PRKCB: variants seen among roughly 807,000 people sequenced by gnomAD.
The protein encoded by PRKCB is protein kinase C beta, also known as protein kinase C beta type.
In PRKCB, 13 loss-of-function variants were observed where a neutral mutation model predicts 81.5. That is an observed-to-expected ratio of 0.16 (90% CI 0.10 to 0.25). The LOEUF is 0.25. Among genes scored for constraint, PRKCB ranks in the 10% least tolerant of loss-of-function variants. The pLI is 1.00. For missense variants in PRKCB, 509 were observed against 875.7 expected (o/e 0.58, Z 5.29); for synonymous variants, 335 against 321.4 (o/e 1.04, Z -0.45).
At chr16:24,072,129 T>G (rs143366151) in intron 5 of PRKCB, among the ~76,000 whole-genome samples, 1 of 151,802 alleles carries the variant, frequency 6.6e-6, no homozygotes, top group Non-Finnish European at 1.5e-5. Context: ...CGGCATTTAG[T>G]ACATGCACAG....
chr16:23,944,276 T>C (rs1964176525), intron 2 of PRKCB, among the ~76,000 whole-genome samples: 2 of 152,264 alleles, frequency 1.3e-5, no homozygotes, highest in African/African-American at 4.8e-5. Flanking sequence ...CCTCAAAGTC[T>C]ATATAATTAG....
chr16:24,001,205 C>A (rs1169363036), intron 3 of PRKCB, among the ~76,000 whole-genome samples: 1 of 152,164 alleles, frequency 6.6e-6, no homozygotes, highest in African/African-American at 2.4e-5. Context: ...GGTCTCTGGG[C>A]AGGCAGTACA....
chr16:24,088,683 C>T (rs577073603), intron 5 of PRKCB, among the ~76,000 whole-genome samples: 2 of 144,940 alleles, frequency 1.4e-5, no homozygotes, highest in Admixed American at 7.1e-5. Context: ...GAGCCGTGAT[C>T]GCGCCACCGC....
At chr16:24,109,367 G>A (rs1314088173) in intron 7 of PRKCB, among the ~76,000 whole-genome samples, 52 of 100,828 alleles carry the variant, frequency 5.2e-4, no homozygotes, top group African/African-American at 8.7e-4. Flanking sequence ...GCTGCTAGGC[G>A]GAGGGGCTCC....
At chr16:23,959,942 C>G (rs753372039) in intron 2 of PRKCB, among the ~76,000 whole-genome samples, 1 of 152,164 alleles carries the variant, frequency 6.6e-6, no homozygotes, top group African/African-American at 2.4e-5. Flanking sequence ...TCTGCTGTGT[C>G]CCCTCACCCT....
intron 2 of PRKCB, among the ~76,000 whole-genome samples, chr16:23,928,095 T>C (rs775654364): frequency 4.6e-5 from 7 of 151,868 alleles, no homozygotes; most frequent in Non-Finnish European, 1.0e-4. Flanking sequence ...AATGAAAGAA[T>C]GTATAGGGCT....
intron 10 of PRKCB, among the ~76,000 whole-genome samples, chr16:24,163,197 A>G (rs542499414): frequency 6.6e-6 from 1 of 152,332 alleles, no homozygotes; most frequent in South Asian, 2.1e-4. Flanking sequence ...GGTTGTATCT[A>G]CAGGGAGGGA....
intron 3 of PRKCB, among the ~76,000 whole-genome samples, chr16:24,021,071 C>CCTCCCTCCCTT (rs1965370506): frequency 1.5e-5 from 1 of 67,182 alleles, no homozygotes; most frequent in Non-Finnish European, 3.1e-5. Context: ...TCCCTCCCTC[C>CCTCCCTCCCTT]CTTCTTTCTT....
chr16:24,180,505 C>A (rs1371128353), intron 12 of PRKCB, among the ~76,000 whole-genome samples: 1 of 152,186 alleles, frequency 6.6e-6, no homozygotes, highest in Non-Finnish European at 1.5e-5. Flanking sequence ...CTGCCCTTTG[C>A]TTAACTTTCT....
intron 2 of PRKCB, among the ~76,000 whole-genome samples, chr16:23,981,575 TTTTCCTTTCC>T (rs71986168): frequency 3.4e-5 from 5 of 147,154 alleles, no homozygotes; most frequent in African/African-American, 1.0e-4. Context: ...CTTTCCTTTC[TTTTCCTTTCC>T]TTTCCTTCCC....
chr16:24,129,544 T>TATCTATCTATCC (rs1966850138), intron 9 of PRKCB, among the ~76,000 whole-genome samples: 2 of 149,014 alleles, frequency 1.3e-5, no homozygotes, highest in African/African-American at 4.9e-5. Flanking sequence ...TCTATCTATC[T>TATCTATCTATCC]ATCCATCTGT....
intron 5 of PRKCB, among the ~76,000 whole-genome samples, chr16:24,052,995 C>A (rs993019550): frequency 5.3e-5 from 8 of 152,186 alleles, no homozygotes; most frequent in Non-Finnish European, 1.0e-4. Context: ...ACACTATTTT[C>A]AACTCTTTAA....
intron 2 of PRKCB, among the ~76,000 whole-genome samples, chr16:23,960,213 A>G (rs1025688325): frequency 4.6e-5 from 7 of 152,182 alleles, no homozygotes; most frequent in African/African-American, 1.7e-4. Flanking sequence ...AAGCTCACAA[A>G]CACTTCCTTT....
At chr16:24,139,608 C>T (rs1966880622) in intron 9 of PRKCB, among the ~76,000 whole-genome samples, 2 of 152,176 alleles carry the variant, frequency 1.3e-5, no homozygotes, top group African/African-American at 4.8e-5. Context: ...GCTTTCTCAG[C>T]TAGTGGGCAA....
At chr16:23,915,443 G>A (rs771158225) in intron 2 of PRKCB, among the ~76,000 whole-genome samples, 2 of 152,048 alleles carry the variant, frequency 1.3e-5, no homozygotes, top group African/African-American at 2.4e-5. Flanking sequence ...CCAGCACTTC[G>A]GGAGGCAGAG....
chr16:23,983,113 T>TA (rs150759074), intron 2 of PRKCB, among the ~76,000 whole-genome samples: 4,876 of 139,568 alleles, frequency 0.035, 184 homozygotes, highest in Admixed American at 0.1. Flanking sequence ...TGCCTCTTCT[T>TA]AAAAAAAAAA....
chr16:23,969,699 C>T (rs765282347), intron 2 of PRKCB, among the ~76,000 whole-genome samples: 33 of 152,118 alleles, frequency 2.2e-4, no homozygotes, highest in Non-Finnish European at 4.6e-4. Context: ...TCATCATCAT[C>T]GTCACCATCT....
intron 2 of PRKCB, among the ~76,000 whole-genome samples, chr16:23,911,832 T>C (rs1452859422): frequency 6.9e-6 from 1 of 145,856 alleles, no homozygotes; most frequent in Non-Finnish European, 1.5e-5. Context: ...CCACATTTTT[T>C]TTTTTTTTTT....
At chr16:24,033,300 TA>T (rs1239177994) in intron 4 of PRKCB, among the ~76,000 whole-genome samples, 5 of 151,814 alleles carry the variant, frequency 3.3e-5, no homozygotes, top group African/African-American at 1.2e-4. Context: ...ATAAGGGTGG[TA>T]GGGAGCAAGA....
Sources: gnomAD v4.1 joint callset for allele counts (sites outside exome capture counted in the v4.1 genomes callset) on GRCh38, gnomAD v4.1.1 for gene constraint, MANE v1.5 for transcripts, NCBI Gene and HGNC (gene_info 2026-07-23, HGNC 2026-07-21) for gene names.